TMTC2: variants seen among roughly 807,000 people sequenced by gnomAD.
The protein encoded by TMTC2 is protein O-mannosyl-transferase TMTC2.
TMTC2 carries 43 observed loss-of-function variants against 82.4 expected under a neutral mutation model. That is an observed-to-expected ratio of 0.52 (90% CI 0.41 to 0.67). The LOEUF (loss-of-function observed/expected upper bound fraction) is 0.67, where lower values mean the gene tolerates loss of function less well. Among genes scored for constraint, TMTC2 ranks in the 30% least tolerant of loss-of-function variants. TMTC2 has a pLI of 0.00. For synonymous variants in TMTC2, 408 were observed against 381.9 expected, an observed-to-expected ratio of 1.07 and a Z score of -0.80; for missense variants, 919 against 1,012.4, an observed-to-expected ratio of 0.91 and a Z score of 1.25.
chr12:82,916,245 T>C (rs1427142283), intron 3 of TMTC2, among the ~76,000 whole-genome samples: 1 of 152,198 alleles, frequency 6.6e-6, no homozygotes, highest in East Asian at 1.9e-4. Flanking sequence ...ATAGGCAAAA[T>C]AGGTTTGTTG....
chr12:82,901,829 G>A lies in TMTC2; in HGVS notation c.1483+5183G>A, dbSNP rs149403968. On this transcript the variant is annotated intron_variant, in intron 3 of 11. Coordinates refer to ENST00000321196, the MANE Select transcript of TMTC2 (RefSeq NM_152588.3). ...GGCCTTGTTTTTGGTCTTCCCAGTT[G>A]TCTGTGGGCTTTCCCACAGACTCAG... Among the ~76,000 whole-genome samples the A allele has an allele frequency of 3.4e-4, 51 of 152,200 alleles. 1 individual carries two copies. The highest frequency in any genetic ancestry group is 6.5e-4 in the Non-Finnish European group (44 of 68,002).
intron 2 of TMTC2, among the ~76,000 whole-genome samples, chr12:82,892,221 G>A (rs1873434253): frequency 6.6e-6 from 1 of 152,120 alleles, no homozygotes; most frequent in Non-Finnish European, 1.5e-5. Context: ...TATATATGAA[G>A]ATACTTTAAA....
chr12:82,981,183 A>T (rs1166289085), intron 7 of TMTC2, among the ~76,000 whole-genome samples: 1 of 151,890 alleles, frequency 6.6e-6, no homozygotes, highest in Non-Finnish European at 1.5e-5. Context: ...TTCTTTTCTT[A>T]ACAGTGGTCA....
intron 1 of TMTC2, among the ~76,000 whole-genome samples, chr12:82,725,748 G>T (rs1874417268): frequency 6.6e-6 from 1 of 152,190 alleles, no homozygotes; most frequent in African/African-American, 2.4e-5. Context: ...TCGAAACCAG[G>T]GGTGGGTGGG....
At chr12:82,881,003 C>T (rs2137155060) in intron 2 of TMTC2, among the ~76,000 whole-genome samples, 1 of 152,144 alleles carries the variant, frequency 6.6e-6, no homozygotes, top group Middle Eastern at 3.4e-3. Context: ...TTATTTAACT[C>T]TGGAGTTTGT....
intron 1 of TMTC2, among the ~76,000 whole-genome samples, chr12:82,798,422 G>A (rs527774215): frequency 4.7e-5 from 7 of 149,724 alleles, no homozygotes; most frequent in African/African-American, 1.7e-4. Context: ...GCGTGAACCT[G>A]GGAGGCGGAG....
intron 11 of TMTC2, among the ~76,000 whole-genome samples, chr12:83,098,977 A>T (rs1476744184): frequency 6.6e-6 from 1 of 152,012 alleles, no homozygotes; most frequent in African/African-American, 2.4e-5. Context: ...CACTGAGGAG[A>T]CTCTTTTTAA....
rs577665015 is a variant in TMTC2, at chr12:82,691,851, T to C, written c.83+4182T>C. On this transcript the variant is annotated intron_variant, in intron 1 of 11. Coordinates refer to ENST00000321196, the MANE Select transcript of TMTC2 (RefSeq NM_152588.3). ...TCTCTTTGTATCAGTGGTTGTCTTA[T>C]CAAGTGATTATTATAAGAAGCCACT... Among the ~76,000 whole-genome samples, 16 of 152,318 alleles carry C rather than the reference T, an allele frequency of 1.1e-4. No homozygotes were observed. In the South Asian group the frequency reaches 3.3e-3, roughly 32 times the overall value.
chr12:82,810,884 T>C (rs1868362081), intron 1 of TMTC2, among the ~76,000 whole-genome samples: 1 of 152,086 alleles, frequency 6.6e-6, no homozygotes, highest in African/African-American at 2.4e-5. Flanking sequence ...CCCTTCACCT[T>C]CCCTCATGAT....
At chr12:82,788,202 T>C (rs1211059283) in intron 1 of TMTC2, among the ~76,000 whole-genome samples, 2 of 152,108 alleles carry the variant, frequency 1.3e-5, no homozygotes, top group African/African-American at 4.8e-5. Context: ...TTTGGCAACA[T>C]CTTTTATTTT....
chr12:82,736,224 T>G (rs1236743537), intron 1 of TMTC2, among the ~76,000 whole-genome samples: 1 of 152,186 alleles, frequency 6.6e-6, no homozygotes, highest in Non-Finnish European at 1.5e-5. Flanking sequence ...TAAGTATTAT[T>G]TTAGGTTAAC....
At chr12:82,841,180 T>TATAC (rs1259739883) in intron 1 of TMTC2, among the ~76,000 whole-genome samples, 1 of 152,240 alleles carries the variant, frequency 6.6e-6, no homozygotes, top group Non-Finnish European at 1.5e-5. Context: ...ACATTTATCA[T>TATAC]ATATGTGTAT....
At chr12:83,003,156 T>G (rs1880003285) in intron 8 of TMTC2, among the ~76,000 whole-genome samples, 1 of 152,282 alleles carries the variant, frequency 6.6e-6, no homozygotes, top group South Asian at 2.1e-4. Context: ...ATTGAAACTT[T>G]CATCATCATA....
intron 1 of TMTC2, among the ~76,000 whole-genome samples, chr12:82,726,888 A>G (rs1874480859): frequency 6.6e-6 from 1 of 151,422 alleles, no homozygotes; most frequent in Admixed American, 6.6e-5. Flanking sequence ...CAAAAAAAAA[A>G]AAAAAAAAAA....
chr12:83,111,185 T>C (rs1270803494), intron 11 of TMTC2, among the ~76,000 whole-genome samples: 4 of 152,260 alleles, frequency 2.6e-5, no homozygotes, highest in African/African-American at 9.6e-5. Context: ...TGACTGATGA[T>C]GCACTTTGTG....
chr12:82,848,312 C>T (rs1870798392), intron 1 of TMTC2, among the ~76,000 whole-genome samples: 1 of 152,128 alleles, frequency 6.6e-6, no homozygotes, highest in Non-Finnish European at 1.5e-5. Context: ...AGTATCGCCA[C>T]AGTTTCCTTT....
rs375708553 is a variant in TMTC2 at position 83,082,407 on chromosome 12, T to C, written c.2331+20576T>C. 8.1e-4 allele frequency among the ~76,000 whole-genome samples: 123 copies of C among 152,288 alleles called. 2 individuals carry two copies. In the South Asian group the frequency reaches 0.024, roughly 30 times the overall value. On this transcript the variant is annotated intron_variant, in intron 11 of 11. Coordinates refer to ENST00000321196, the MANE Select transcript of TMTC2 (RefSeq NM_152588.3). ...GATTAATCCATACAAAACATTATGA[T>C]ACACACCGTCCCTAAAGTTTGACAA...
intron 3 of TMTC2, among the ~76,000 whole-genome samples, chr12:82,929,860 A>C (rs888341722): frequency 2.0e-5 from 3 of 152,174 alleles, no homozygotes; most frequent in Non-Finnish European, 4.4e-5. Flanking sequence ...TAAGTGTAGA[A>C]ATAGCGATTT....
chr12:82,937,783 T>TATAC (rs1876450243), intron 4 of TMTC2, among the ~76,000 whole-genome samples: 1 of 21,310 alleles, frequency 4.7e-5, no homozygotes, highest in Non-Finnish European at 1.0e-4. Flanking sequence ...TATATATATA[T>TATAC]ATATATATAT....
Sources: gnomAD v4.1 joint callset for allele counts (sites outside exome capture counted in the v4.1 genomes callset) on GRCh38, gnomAD v4.1.1 for gene constraint, MANE v1.5 for transcripts, NCBI Gene and HGNC (gene_info 2026-07-23, HGNC 2026-07-21) for gene names.